Variants in LRP1B observed in about 807,000 individuals in gnomAD.
LRP1B encodes the protein LDL receptor related protein 1B.
In LRP1B, 217 loss-of-function variants were observed where a neutral mutation model predicts 556.6. The ratio of observed to expected loss-of-function variants is 0.39; its 90% CI spans 0.35 to 0.44. The LOEUF (loss-of-function observed/expected upper bound fraction) is 0.44, where lower values mean the gene tolerates loss of function less well. Among genes scored for constraint, LRP1B ranks in the 20% least tolerant of loss-of-function variants. LRP1B has a pLI of 1.00. For synonymous variants in LRP1B, 2,047 were observed against 1,865.8 expected (o/e 1.10, Z -2.50); for missense variants, 5,053 against 5,620.8 (o/e 0.90, Z 3.23).
In LRP1B at chr2:140,320,849, G is replaced by T. The variant is rs957555625; in HGVS notation, c.12640+1114C>A. On this transcript the variant is annotated intron_variant, in intron 82 of 90. Coordinates refer to ENST00000389484, the MANE Select transcript of LRP1B (RefSeq NM_018557.3). Reference sequence around the variant, plus strand: ...CCTGAGGTCAGGAGTTCGAGATCAGGCTGGCCAACATGGCAATATCCCATC... The same window carrying T: ...CCTGAGGTCAGGAGTTCGAGATCAGTCTGGCCAACATGGCAATATCCCATC... Among the ~76,000 whole-genome samples the T allele has an allele frequency of 2.6e-5, 4 of 151,884 alleles. No homozygotes were observed. The East Asian group carries it at 7.8e-4, about 29-fold the overall frequency.
At chr2:140,667,222 A>C (rs1574216040) in intron 41 of LRP1B, among the ~76,000 whole-genome samples, 1 of 152,218 alleles carries the variant, frequency 6.6e-6, no homozygotes, top group East Asian at 1.9e-4. Context: ...GAATAAATGC[A>C]TGAAAAATGC....
chr2:141,463,552 TATATA>T (rs558382319), intron 3 of LRP1B, among the ~76,000 whole-genome samples: 4 of 20,080 alleles, frequency 2.0e-4, no homozygotes, highest in African/African-American at 5.0e-4. Flanking sequence ...TATATAATTA[TATATA>T]ATATATATTA....
chr2:141,047,050 A>C (rs1558823439), intron 11 of LRP1B, among the ~76,000 whole-genome samples: 13 of 6,896 alleles, frequency 1.9e-3, no homozygotes, highest in Non-Finnish European at 5.8e-3. Flanking sequence ...GCACTGCACA[A>C]AAATTAATAA....
At chr2:140,789,327 C>T (rs1690024665) in intron 32 of LRP1B, among the ~76,000 whole-genome samples, 1 of 152,128 alleles carries the variant, frequency 6.6e-6, no homozygotes, top group South Asian at 2.1e-4. Context: ...TCCATTACCC[C>T]TGCTACCACA....
chr2:141,388,582 C>T (rs1689928194), intron 3 of LRP1B, among the ~76,000 whole-genome samples: 1 of 152,066 alleles, frequency 6.6e-6, no homozygotes, highest in African/African-American at 2.4e-5. Flanking sequence ...TGAAAGTTTT[C>T]ACCCTAAGAT....
intron 35 of LRP1B, among the ~76,000 whole-genome samples, chr2:140,760,690 G>T (rs1337649206): frequency 6.6e-6 from 1 of 152,108 alleles, no homozygotes; most frequent in East Asian, 1.9e-4. Flanking sequence ...TTCAAGACCA[G>T]CCTTGCAAAC....
chr2:140,353,947 A>G (rs1403944600), intron 75 of LRP1B, among the ~76,000 whole-genome samples: 1 of 152,076 alleles, frequency 6.6e-6, no homozygotes, highest in Admixed American at 6.6e-5. Flanking sequence ...CTATATATGA[A>G]TAAATACCTC....
chr2:140,844,715 T>A (rs1645684068), intron 29 of LRP1B, among the ~76,000 whole-genome samples: 2 of 152,146 alleles, frequency 1.3e-5, no homozygotes, highest in African/African-American at 4.8e-5. Flanking sequence ...CTAAGACTAA[T>A]CATGAAGTAT....
intron 41 of LRP1B, among the ~76,000 whole-genome samples, chr2:140,603,482 G>C (rs1186608205): frequency 6.6e-6 from 1 of 152,060 alleles, no homozygotes; most frequent in African/African-American, 2.4e-5. Context: ...CAAATAGAAT[G>C]AGAAATGGCA....
At chr2:142,055,705 C>T (rs1168345522) in intron 1 of LRP1B, among the ~76,000 whole-genome samples, 3 of 152,118 alleles carry the variant, frequency 2.0e-5, no homozygotes, top group Non-Finnish European at 2.9e-5. Flanking sequence ...ACAATGTCAT[C>T]CACATGTCCT....
At chr2:142,027,840 A>G (rs1050372425) in intron 1 of LRP1B, among the ~76,000 whole-genome samples, 11 of 151,932 alleles carry the variant, frequency 7.2e-5, no homozygotes, top group African/African-American at 2.7e-4. Flanking sequence ...CTTTCATTCA[A>G]AATCTGTAGC....
At chr2:141,752,948 A>AAAAAAAAAAAAAAAAAAAAAAAAT (rs1694172473) in intron 2 of LRP1B, among the ~76,000 whole-genome samples, 1 of 141,886 alleles carries the variant, frequency 7.0e-6, no homozygotes, top group Non-Finnish European at 1.5e-5. Context: ...TGTCTCAGAA[A>AAAAAAAAAAAAAAAAAAAAAAAAT]AAAAAAAAAA....
rs1553543025 is a variant in LRP1B at position 141,614,080 on chromosome 2, C to CAGAA, written c.206-133548_206-133547insTTCT. On this transcript the variant is annotated intron_variant, in intron 2 of 90. Transcript: ENST00000389484. Reference sequence around the variant, plus strand: ...GGGCGATAAGAGCAAAACTCAGCCTCAAAAAAAAAAAAAAAAAAAAAGAAA... The same window carrying CAGAA: ...GGGCGATAAGAGCAAAACTCAGCCTCAGAAAAAAAAAAAAAAAAAAAAAAAGAAA... Among the ~76,000 whole-genome samples, 109 of 47,354 alleles carry CAGAA rather than the reference C, an allele frequency of 2.3e-3. 2 individuals are homozygous for CAGAA. Among genetic ancestry groups the CAGAA allele is most frequent in the South Asian group, 6.9e-3 (6 of 866 alleles). The allele number at this position is 47,354 out of a possible 152,430, so 31.1% of individuals were successfully genotyped here. A position where few individuals can be genotyped will look rare whatever the true frequency, so the allele number is the denominator to read the frequency against.
intron 52 of LRP1B, among the ~76,000 whole-genome samples, chr2:140,508,890 T>C (rs1689530120): frequency 6.6e-6 from 1 of 152,120 alleles, no homozygotes; most frequent in Non-Finnish European, 1.5e-5. Flanking sequence ...TGATGCATAA[T>C]CCTTTATTAT....
intron 3 of LRP1B, among the ~76,000 whole-genome samples, chr2:141,474,426 T>TC (rs11427868): frequency 0.45 from 68,462 of 151,812 alleles, 15,642 homozygotes; most frequent in Non-Finnish European, 0.49. Context: ...TTTAGCACTT[T>TC]TCATAAGAGT....
At chr2:140,874,396 TAA>T (rs764271552) in intron 25 of LRP1B, among the ~76,000 whole-genome samples, 32 of 152,296 alleles carry the variant, frequency 2.1e-4, no homozygotes, top group Admixed American at 3.9e-4. Context: ...TCAGCTCATA[TAA>T]GTTTTTTTCA....
chr2:140,535,963 C>A (rs1690942797), intron 46 of LRP1B, among the ~76,000 whole-genome samples: 1 of 151,972 alleles, frequency 6.6e-6, no homozygotes, highest in Non-Finnish European at 1.5e-5. Context: ...GAAATAGAAT[C>A]GACAAGACTT....
intron 47 of LRP1B, among the ~76,000 whole-genome samples, chr2:140,527,421 G>T (rs540126735): frequency 6.6e-6 from 1 of 151,912 alleles, no homozygotes; most frequent in South Asian, 2.1e-4. Context: ...ATCACAAATG[G>T]TTAAAATGCT....
At chr2:140,645,499 C>T (rs893070951) in intron 41 of LRP1B, among the ~76,000 whole-genome samples, 2 of 147,302 alleles carry the variant, frequency 1.4e-5, no homozygotes, top group African/African-American at 2.5e-5. Flanking sequence ...TTTCTATATT[C>T]CTCATATCTC....
Sources: gnomAD v4.1 joint callset for allele counts (sites outside exome capture counted in the v4.1 genomes callset) on GRCh38, gnomAD v4.1.1 for gene constraint, MANE v1.5 for transcripts, NCBI Gene and HGNC (gene_info 2026-07-23, HGNC 2026-07-21) for gene names.